The following PCYT1B variants were observed in gnomAD, a reference collection of about 807,000 sequenced individuals.
PCYT1B encodes phosphate cytidylyltransferase 1B, choline.
A neutral mutation model predicts 26.4 loss-of-function variants in PCYT1B; 10 were observed. The observed-to-expected ratio is 0.38, with a 90% CI of 0.23 to 0.64. The LOEUF (loss-of-function observed/expected upper bound fraction) is 0.64. Ranked by LOEUF, PCYT1B falls within the 30% of genes least tolerant of loss-of-function variation. The pLI is 0.56. For missense variants in PCYT1B, 161 were observed against 292.7 expected (o/e 0.55, Z 3.28); for synonymous variants, 131 against 108.4 (o/e 1.21, Z -1.29).
chrX:24,662,850 G>A (rs373117102), intron 1 of PCYT1B, among the ~76,000 whole-genome samples: 15 of 112,035 alleles, frequency 1.3e-4, no homozygotes, highest in African/African-American at 4.9e-4. Flanking sequence ...AGCACAGTAC[G>A]AAGCTGGCAC....
At chrX:24,579,989 A>G (rs1924155778) in intron 5 of PCYT1B, among the ~76,000 whole-genome samples, 1 of 111,852 alleles carries the variant, frequency 8.9e-6, no homozygotes, top group South Asian at 3.7e-4. Context: ...AGCCTGGGCA[A>G]CATGGCAAAA....
intron 1 of PCYT1B, among the ~76,000 whole-genome samples, chrX:24,670,092 GAAA>G (rs1569261830): frequency 0.015 from 1,330 of 90,086 alleles, 13 homozygotes; most frequent in Admixed American, 0.023. Context: ...AAGAAAGAAA[GAAA>G]GAAAGAAAGA....
intron 1 of PCYT1B, among the ~76,000 whole-genome samples, chrX:24,654,699 G>A (rs1159486681): frequency 2.2e-5 from 2 of 92,404 alleles, no homozygotes; most frequent in Non-Finnish European, 4.1e-5. Flanking sequence ...GCAGTGAGCC[G>A]AGATTGCGCC....
At chrX:24,630,952 TTG>T (rs1926063024) in intron 1 of PCYT1B, among the ~76,000 whole-genome samples, 3 of 111,441 alleles carry the variant, frequency 2.7e-5, no homozygotes, top group Non-Finnish European at 5.7e-5. Flanking sequence ...AGACGGAGTC[TTG>T]CATTGTTGCC....
Position 24,647,227 on chromosome X carries a change from C to T in PCYT1B, c.-122G>A. 9.5e-7 allele frequency: 1 copy of T among 1,049,176 alleles called. No individual in the cohort carries two copies. The highest frequency in any genetic ancestry group is 2.0e-5 in the African/African-American group (1 of 49,917). 86.5% of individuals were successfully genotyped at this position (1,049,176 alleles called of 1,213,427 possible). A position where few individuals can be genotyped will look rare whatever the true frequency, so the allele number is the denominator to read the frequency against. On this transcript the variant is annotated 5_prime_UTR_variant, in exon 1 of 8. Transcript: ENST00000379144. ...CCACCCATCCCCCCGCTTCTTCTCC[C>T]CTTCTTTCTGTCTTCCCTAGGGGAA... is the stretch of plus-strand genomic sequence containing the variant.
intron 1 of PCYT1B, among the ~76,000 whole-genome samples, chrX:24,670,482 G>T (rs1026616423): frequency 2.7e-5 from 3 of 112,295 alleles, no homozygotes; most frequent in African/African-American, 6.5e-5. Context: ...GGTACACAAA[G>T]GGCTGGTAGT....
At chrX:24,581,874 T>A (rs1924217491) in intron 5 of PCYT1B, among the ~76,000 whole-genome samples, 1 of 112,576 alleles carries the variant, frequency 8.9e-6, no homozygotes, top group South Asian at 3.7e-4. Flanking sequence ...ATTTGCACAT[T>A]TATAGTATCA....
intron 1 of PCYT1B, among the ~76,000 whole-genome samples, chrX:24,661,577 A>G (rs1260559525): frequency 8.9e-6 from 1 of 112,064 alleles, no homozygotes; most frequent in Non-Finnish European, 1.9e-5. Context: ...GCCAATTTAC[A>G]GGAAATACAG....
intron 1 of PCYT1B, among the ~76,000 whole-genome samples, chrX:24,627,940 A>C (rs1039993722): frequency 9.0e-6 from 1 of 111,627 alleles, no homozygotes; most frequent in Non-Finnish European, 1.9e-5. Context: ...GGGGTAAAAC[A>C]CTGGAAGAGT....
chrX:24,620,531 A>C (rs1451877872), intron 1 of PCYT1B, among the ~76,000 whole-genome samples: 1 of 112,281 alleles, frequency 8.9e-6, no homozygotes. Context: ...GCGACCTCAT[A>C]GGCTGTGGTA....
chrX:24,588,482 A>G (rs1049053928), intron 4 of PCYT1B, among the ~76,000 whole-genome samples: 2 of 111,810 alleles, frequency 1.8e-5, no homozygotes, highest in African/African-American at 6.5e-5. Flanking sequence ...AGCCCTTTAT[A>G]ATGGGGTTTC....
At chrX:24,579,281 G>A (rs764753708) in intron 6 of PCYT1B, 35 bp downstream of exon 6, 9 of 1,194,924 alleles carry the variant, frequency 7.5e-6, no homozygotes, top group Non-Finnish European at 1.1e-6. Flanking sequence ...GGTGTGGCAT[G>A]GTGGTCTTCA....
chrX:24,563,365 G>T (rs1252925203), intron 7 of PCYT1B, among the ~76,000 whole-genome samples: 1 of 111,479 alleles, frequency 9.0e-6, no homozygotes, highest in Non-Finnish European at 1.9e-5. Context: ...AGAGATAAGG[G>T]GAGGGACCAG....
At chrX:24,616,228 C>CTTTTT (rs59287140) in intron 2 of PCYT1B, among the ~76,000 whole-genome samples, 1 of 43,814 alleles carries the variant, frequency 2.3e-5, no homozygotes, top group African/African-American at 1.3e-4. Flanking sequence ...ACCACCTGGA[C>CTTTTT]TTTTTTTTTT....
intron 7 of PCYT1B, among the ~76,000 whole-genome samples, chrX:24,563,416 C>A (rs945773906): frequency 4.5e-5 from 5 of 111,611 alleles, no homozygotes; most frequent in Non-Finnish European, 9.4e-5. Context: ...AGACAGAGCA[C>A]CCCAAGAAAG....
chrX:24,632,951 T>A (rs984290537), intron 1 of PCYT1B, among the ~76,000 whole-genome samples: 6 of 111,671 alleles, frequency 5.4e-5, no homozygotes, highest in African/African-American at 1.9e-4. Flanking sequence ...GGCTCACGCC[T>A]GTAATCCCAA....
intron 5 of PCYT1B, among the ~76,000 whole-genome samples, chrX:24,582,304 T>G (rs1290097882): frequency 8.9e-6 from 1 of 112,368 alleles, no homozygotes; most frequent in East Asian, 2.8e-4. Flanking sequence ...GCTTACCCTT[T>G]CTTTGAAGCC....
intron 3 of PCYT1B, among the ~76,000 whole-genome samples, chrX:24,606,709 C>CA (rs200898227): frequency 3.6e-5 from 4 of 110,053 alleles, no homozygotes; most frequent in Non-Finnish European, 5.7e-5. Context: ...ACTAAAAATA[C>CA]AAAAAAAATT....
chrX:24,592,416 T>C (rs1348524025), intron 3 of PCYT1B, among the ~76,000 whole-genome samples: 1 of 111,318 alleles, frequency 9.0e-6, no homozygotes, highest in Non-Finnish European at 1.9e-5. Flanking sequence ...TGTAGTCCCT[T>C]CACATAATCC....
Sources: allele counts gnomAD v4.1 joint callset (sites outside exome capture counted in the v4.1 genomes callset), GRCh38; gene constraint gnomAD v4.1.1; transcripts MANE v1.5; gene names NCBI Gene and HGNC (gene_info 2026-07-23, HGNC 2026-07-21).